FKBP9: variants seen among roughly 807,000 people sequenced by gnomAD.
FKBP9 encodes peptidyl-prolyl cis-trans isomerase FKBP9.
In FKBP9, 27 loss-of-function variants were observed where a neutral mutation model predicts 55.6. The ratio of observed to expected loss-of-function variants is 0.49; its 90% CI spans 0.36 to 0.67. The LOEUF (loss-of-function observed/expected upper bound fraction) is 0.67, where lower values mean the gene tolerates loss of function less well. Ranked by LOEUF, FKBP9 falls within the 30% of genes least tolerant of loss-of-function variation. FKBP9 has a pLI of 0.00. For missense variants in FKBP9, 539 were observed against 742.8 expected (o/e 0.73, Z 3.19); for synonymous variants, 267 against 296.5 (o/e 0.90, Z 1.02).
intron 5 of FKBP9, among the ~76,000 whole-genome samples, chr7:32,982,229 C>CAGGCT (rs1166653578): frequency 3.3e-5 from 5 of 152,064 alleles, no homozygotes; most frequent in Non-Finnish European, 7.4e-5. Context: ...CCATATTGGC[C>CAGGCT]AGGCTGGTCT....
At chr7:32,979,580 G>A (rs1406239402) in intron 4 of FKBP9, 2 of 1,549,040 alleles carry the variant, frequency 1.3e-6, no homozygotes, top group Non-Finnish European at 1.7e-6. Context: ...ATAACAAATG[G>A]CAGGTAAAAC....
At chr7:32,997,724 A>C (rs1399538491) in intron 7 of FKBP9, among the ~76,000 whole-genome samples, 1 of 152,200 alleles carries the variant, frequency 6.6e-6, no homozygotes, top group Non-Finnish European at 1.5e-5. Context: ...GCTACTCATG[A>C]GGCTGAGGCA....
chr7:32,962,421 T>C (rs1309069172), intron 1 of FKBP9, among the ~76,000 whole-genome samples: 1 of 152,136 alleles, frequency 6.6e-6, no homozygotes, highest in African/African-American at 2.4e-5. Context: ...AATAAAAGAA[T>C]CATGAACTCA....
rs1409953693 is a variant in FKBP9 at position 32,957,500 on chromosome 7, G to A, written c.-74G>A. 6 of 1,168,176 alleles carry A rather than the reference G, an allele frequency of 5.1e-6. No homozygotes were observed. The highest frequency in any genetic ancestry group is 3.3e-5 in the East Asian group (1 of 30,720). 72.4% of individuals were successfully genotyped at this position (1,168,176 alleles called of 1,614,324 possible). A position where few individuals can be genotyped will look rare whatever the true frequency, so the allele number is the denominator to read the frequency against. ...GGAGACCCGGTCCACGTTTGCAAACGCAGCCGAACGCCCAGGCCGACCCGT... is the reference window on the plus strand; with the variant it reads ...GGAGACCCGGTCCACGTTTGCAAACACAGCCGAACGCCCAGGCCGACCCGT... On this transcript the variant is annotated 5_prime_UTR_variant, in exon 1 of 10. Transcript: ENST00000242209.
At chr7:32,986,858 G>A (rs1583860591) in intron 5 of FKBP9, among the ~76,000 whole-genome samples, 1 of 152,212 alleles carries the variant, frequency 6.6e-6, no homozygotes, top group South Asian at 2.1e-4. Flanking sequence ...CTGCCTCATC[G>A]GCACCAGGTG....
At chr7:32,980,684 T>A in intron 5 of FKBP9, 131 bp downstream of exon 5, 4 of 1,384,394 alleles carry the variant, frequency 2.9e-6, no homozygotes, top group Non-Finnish European at 3.9e-6. Context: ...AATACAAGTT[T>A]CTGTTTTCTG....
At chr7:32,974,042 C>A (rs771044253) in intron 1 of FKBP9, among the ~76,000 whole-genome samples, 1 of 151,572 alleles carries the variant, frequency 6.6e-6, no homozygotes, top group African/African-American at 2.4e-5. Context: ...GAGACTCTGT[C>A]GCCCAGGCTG....
chr7:32,969,030 C>T (rs1784204280), intron 1 of FKBP9, among the ~76,000 whole-genome samples: 2 of 152,140 alleles, frequency 1.3e-5, no homozygotes, highest in Admixed American at 6.5e-5. Flanking sequence ...GCTTGTTGGC[C>T]ATTTGTATAT....
intron 1 of FKBP9, among the ~76,000 whole-genome samples, 170 bp downstream of exon 1, chr7:32,957,964 C>T (rs1783939363): frequency 6.6e-6 from 1 of 152,258 alleles, no homozygotes; most frequent in Non-Finnish European, 1.5e-5. Context: ...CGCGGGTGAG[C>T]CTCCCGGCCC....
At chr7:32,979,415 C>CA (rs1477479925) in intron 4 of FKBP9, 13 of 918,434 alleles carry the variant, frequency 1.4e-5, no homozygotes, top group Non-Finnish European at 2.1e-5. Flanking sequence ...CCACACCTTG[C>CA]ATTCCAGGGG....
At chr7:32,971,257 T>TA (rs1784247445) in intron 1 of FKBP9, among the ~76,000 whole-genome samples, 2 of 152,222 alleles carry the variant, frequency 1.3e-5, no homozygotes, top group Non-Finnish European at 2.9e-5. Flanking sequence ...ACAACTTTAT[T>TA]TTTCCAGATG....
At chr7:32,976,044 T>C (rs1312532462) in intron 3 of FKBP9, among the ~76,000 whole-genome samples, 1 of 152,154 alleles carries the variant, frequency 6.6e-6, no homozygotes, top group Non-Finnish European at 1.5e-5. Flanking sequence ...TATGTGAAGC[T>C]ATGGAGAGGC....
At chr7:32,985,907 C>T (rs1336514921) in intron 5 of FKBP9, among the ~76,000 whole-genome samples, 8 of 152,084 alleles carry the variant, frequency 5.3e-5, no homozygotes, top group Non-Finnish European at 8.8e-5. Flanking sequence ...GCAGGAGAAT[C>T]GCTTGAACCC....
chr7:32,993,812 C>CAA lies in FKBP9; in HGVS notation c.1040-2340_1040-2339dup, dbSNP rs57803982. Among the ~76,000 whole-genome samples, 557 of 148,610 alleles carry CAA rather than the reference C, an allele frequency of 3.7e-3. 2 individuals carry two copies. The highest frequency in any genetic ancestry group is 8.3e-3 in the African/African-American group (339 of 40,704). Reference sequence around the variant, plus strand: ...TGGATGACAGAGCAAGACTCCATCTCAAAAAAAAAAAATTAATTCCTCATT... The same window carrying CAA: ...TGGATGACAGAGCAAGACTCCATCTCAAAAAAAAAAAAAATTAATTCCTCATT... On this transcript the variant is annotated intron_variant, in intron 6 of 9. Coordinates refer to ENST00000242209, the MANE Select transcript of FKBP9 (RefSeq NM_007270.5).
chr7:32,988,877 C>G (rs1784628490), intron 6 of FKBP9: 3 of 460,940 alleles, frequency 6.5e-6, no homozygotes, highest in Middle Eastern at 4.4e-4. Flanking sequence ...TACAGGCACG[C>G]ACCACCACAC....
At chr7:32,985,160 C>T (rs1333610484) in intron 5 of FKBP9, among the ~76,000 whole-genome samples, 1 of 146,744 alleles carries the variant, frequency 6.8e-6, no homozygotes, top group East Asian at 2.4e-4. Context: ...TTACTAATTT[C>T]TTTTTCTTTC....
intron 6 of FKBP9, among the ~76,000 whole-genome samples, chr7:32,990,085 G>T (rs1315787664): frequency 2.0e-5 from 3 of 152,072 alleles, no homozygotes; most frequent in Admixed American, 2.0e-4. Context: ...TCCCACCTTG[G>T]CCTTCTGAAG....
intron 1 of FKBP9, among the ~76,000 whole-genome samples, chr7:32,974,231 C>A (rs1192171700): frequency 6.6e-6 from 1 of 152,110 alleles, no homozygotes; most frequent in South Asian, 2.1e-4. Context: ...CCCGGCTGGT[C>A]TCGAACTCCT....
Position 32,974,633 on chromosome 7 carries a change from A to G in FKBP9, c.238A>G (p.Thr80Ala). The G allele has an allele frequency of 6.2e-7, 1 of 1,613,696 alleles. No individual in the cohort carries two copies. Among genetic ancestry groups the G allele is most frequent in the South Asian group, 1.1e-5 (1 of 91,042 alleles). Residue 80 changes from threonine (T) to alanine (A), a missense_variant, in exon 2 of 10, where the codon ACT becomes GCT. Physicochemically the swap from Thr to Ala is moderately conservative, Grantham distance 58. Transcript: ENST00000242209. Reference protein sequence around the residue: ...KFDSSYDRDSTFNVFVGKGQL... With the variant: ...KFDSSYDRDSAFNVFVGKGQL... The stretch of plus-strand genomic sequence containing the variant: ...GGCCTTCAGCTATGACAGAGACTCC[A>G]CTTTCAATGTGTTTGTGGGAAAAGG...
Sources: allele counts gnomAD v4.1 joint callset (sites outside exome capture counted in the v4.1 genomes callset), GRCh38; gene constraint gnomAD v4.1.1; transcripts MANE v1.5; gene names NCBI Gene and HGNC (gene_info 2026-07-23, HGNC 2026-07-21).